Variants in COLEC10 observed in about 807,000 individuals in gnomAD.
The protein encoded by COLEC10 is collectin subfamily member 10, also known as collectin-10.
Under a neutral mutation model 28.4 loss-of-function variants are expected in COLEC10, and 22 were observed. The ratio of observed to expected loss-of-function variants is 0.78; its 90% CI spans 0.55 to 1.11. The LOEUF is 1.11. Among genes scored for constraint, COLEC10 ranks in the 50% least tolerant of loss-of-function variants. The probability of loss-of-function intolerance (pLI) is 0.00; values close to 1 mark genes in which losing one functional copy is unlikely to be tolerated. For synonymous variants in COLEC10, 125 were observed against 116.1 expected (o/e 1.08, Z -0.49); for missense variants, 361 against 344.1 (o/e 1.05, Z -0.39).
At chr8:118,991,368 C>A (rs11992072), upstream of COLEC10, among the ~76,000 whole-genome samples, 10,283 of 152,132 alleles carry the variant, frequency 0.068, 607 homozygotes, top group East Asian at 0.17. Flanking sequence ...GAGATACGAC[C>A]AGGAAATTTC....
intron 2 of COLEC10, among the ~76,000 whole-genome samples, chr8:119,027,930 T>G (rs559581216): frequency 6.6e-6 from 1 of 152,324 alleles, no homozygotes; most frequent in African/African-American, 2.4e-5. Flanking sequence ...GTTTAAATCA[T>G]AACTCAGTTC....
the COLEC10 span, among the ~76,000 whole-genome samples, chr8:118,956,443 G>C: frequency 6.6e-6 from 1 of 152,158 alleles, no homozygotes; most frequent in African/African-American, 2.4e-5. Context: ...CTCTGGGTAG[G>C]GAAGTTGGGA....
chr8:119,024,034 A>G (rs996809154), intron 2 of COLEC10, among the ~76,000 whole-genome samples: 31 of 152,282 alleles, frequency 2.0e-4, no homozygotes, highest in African/African-American at 7.2e-4. Flanking sequence ...GCTGGGAGGT[A>G]AAGAGTATAG....
chr8:119,041,903 C>T (rs1451154958), intron 2 of COLEC10, among the ~76,000 whole-genome samples: 1 of 152,038 alleles, frequency 6.6e-6, no homozygotes, highest in African/African-American at 2.4e-5. Flanking sequence ...TCCTATTATC[C>T]ATTTTAATTT....
chr8:119,061,500 G>C (rs1415657928), intron 2 of COLEC10, among the ~76,000 whole-genome samples: 1 of 149,924 alleles, frequency 6.7e-6, no homozygotes, highest in South Asian at 2.1e-4. Context: ...TCTATAGAAA[G>C]TGTAGAAAAT....
chr8:118,969,411 A>T, the COLEC10 span, among the ~76,000 whole-genome samples: 1 of 152,196 alleles, frequency 6.6e-6, no homozygotes, highest in East Asian at 1.9e-4. Context: ...TGATTAAGTG[A>T]TAAAAGGCCC....
In COLEC10 at chr8:119,050,768, A is replaced by C. The variant is rs1312531468; in HGVS notation, n.236-38912A>C. ...AAATATATGTCAGTGATTCTGTCCT[A>C]AAATTACTGACATGTTTATAGAATG... On this transcript the variant is annotated intron_variant and non_coding_transcript_variant, in intron 2 of 6. Coordinates refer to the COLEC10 transcript ENST00000521788. Among the ~76,000 whole-genome samples the C allele has an allele frequency of 3.9e-5, 6 of 152,240 alleles. No individual in the cohort carries two copies. The East Asian group carries it at 1.2e-3, about 29-fold the overall frequency.
At chr8:119,066,654 A>C (rs990859799), upstream of COLEC10, among the ~76,000 whole-genome samples, 1 of 152,220 alleles carries the variant, frequency 6.6e-6, no homozygotes, top group Admixed American at 6.5e-5. Context: ...AAAAGCTATA[A>C]ACTAGGCCAA....
intron 2 of COLEC10, among the ~76,000 whole-genome samples, chr8:119,048,067 T>C (rs899134153): frequency 1.3e-5 from 2 of 152,210 alleles, no homozygotes; most frequent in Admixed American, 6.5e-5. Context: ...ATGTGCAGGT[T>C]TGTTACCTGG....
the COLEC10 span, among the ~76,000 whole-genome samples, chr8:118,962,453 A>G: frequency 6.6e-6 from 1 of 152,232 alleles, no homozygotes; most frequent in Admixed American, 6.5e-5. Flanking sequence ...TTATTGAGGT[A>G]TAATTGATAT....
At position 119,036,588 on chromosome 8, in the gene COLEC10, A is replaced by G. The variant is rs568312919; in HGVS notation, n.235+27035A>G. On this transcript the variant is annotated intron_variant and non_coding_transcript_variant, in intron 2 of 6. Coordinates refer to the COLEC10 transcript ENST00000521788. Reference sequence around the variant, plus strand: ...CATCTATCTGTGTACCTTCCTTTACAGCTGGTTGAGGGTATGGTATTTATC... The same window carrying G: ...CATCTATCTGTGTACCTTCCTTTACGGCTGGTTGAGGGTATGGTATTTATC... Among the ~76,000 whole-genome samples the G allele has an allele frequency of 1.6e-4, 25 of 152,304 alleles. No individual in the cohort carries two copies. In the Middle Eastern group the frequency reaches 0.01, roughly 62 times the overall value.
At chr8:118,996,498 T>G (rs150182331) in intron 1 of COLEC10, among the ~76,000 whole-genome samples, 53 of 152,340 alleles carry the variant, frequency 3.5e-4, no homozygotes, top group African/African-American at 1.3e-3. Flanking sequence ...AGAGTTTTAA[T>G]TTCTCTGCAT....
At chr8:119,047,448 A>G (rs1484890492) in intron 2 of COLEC10, among the ~76,000 whole-genome samples, 4 of 152,210 alleles carry the variant, frequency 2.6e-5, no homozygotes, top group Non-Finnish European at 5.9e-5. Context: ...CAATCTAGCC[A>G]TTAGCCTTCC....
At chr8:119,016,846 A>T (rs983062948) in intron 2 of COLEC10, among the ~76,000 whole-genome samples, 1 of 152,130 alleles carries the variant, frequency 6.6e-6, no homozygotes, top group African/African-American at 2.4e-5. Context: ...CCTTCTGAGT[A>T]TCTGGGACTA....
intron 2 of COLEC10, among the ~76,000 whole-genome samples, chr8:119,040,903 T>C (rs1206529789): frequency 6.6e-6 from 1 of 152,122 alleles, no homozygotes; most frequent in African/African-American, 2.4e-5. Flanking sequence ...GTTCTTCTAT[T>C]TGTCAAACAA....
At chr8:119,019,454 T>A (rs914543868) in intron 2 of COLEC10, among the ~76,000 whole-genome samples, 2 of 152,126 alleles carry the variant, frequency 1.3e-5, no homozygotes, top group Non-Finnish European at 2.9e-5. Flanking sequence ...CCTATGGGAG[T>A]GGGTGGTTTC....
At chr8:119,007,143 G>T (rs954416164) in intron 1 of COLEC10, among the ~76,000 whole-genome samples, 2 of 151,958 alleles carry the variant, frequency 1.3e-5, no homozygotes, top group Admixed American at 1.3e-4. Context: ...TAGGAATATC[G>T]CCAAACCACG....
At chr8:118,989,536 C>T in the COLEC10 span, among the ~76,000 whole-genome samples, 1 of 52,192 alleles carries the variant, frequency 1.9e-5, no homozygotes, top group Non-Finnish European at 5.1e-5. Flanking sequence ...AGACAAAATA[C>T]ACACACACAC....
At chr8:119,062,395 G>A (rs1245375283), upstream of COLEC10, among the ~76,000 whole-genome samples, 3 of 152,038 alleles carry the variant, frequency 2.0e-5, no homozygotes, top group Admixed American at 6.6e-5. Flanking sequence ...ACAAACAGTG[G>A]GAGGCTTCTG....
Sources: allele counts gnomAD v4.1 joint callset (sites outside exome capture counted in the v4.1 genomes callset), GRCh38; gene constraint gnomAD v4.1.1; transcripts MANE v1.5; gene names NCBI Gene and HGNC (gene_info 2026-07-23, HGNC 2026-07-21).